The following CUEDC1 variants were observed in gnomAD, a reference collection of about 807,000 sequenced individuals.
The protein encoded by CUEDC1 is CUE domain containing 1, also known as CUE domain-containing protein 1.
In CUEDC1, 30 loss-of-function variants were observed where a neutral mutation model predicts 43.7. The observed-to-expected ratio is 0.69, with a 90% confidence interval of 0.51 to 0.93. The LOEUF (loss-of-function observed/expected upper bound fraction) is 0.93. Among genes scored for constraint, CUEDC1 ranks in the 40% least tolerant of loss-of-function variants. The pLI, the probability that CUEDC1 is intolerant of heterozygous loss-of-function variation, is 0.00. For missense variants in CUEDC1, 486 were observed against 549.0 expected, an observed-to-expected ratio of 0.89 and a Z score of 1.15; for synonymous variants, 223 against 223.6, an observed-to-expected ratio of 1.00 and a Z score of 0.02.
At chr17:57,924,187 C>A (rs984332109) in intron 1 of CUEDC1, among the ~76,000 whole-genome samples, 1 of 152,128 alleles carries the variant, frequency 6.6e-6, no homozygotes, top group Non-Finnish European at 1.5e-5. Context: ...CTCACTGCAA[C>A]CTCCGCCTCC....
At chr17:57,942,964 C>T (rs1049156286) in intron 1 of CUEDC1, among the ~76,000 whole-genome samples, 1 of 152,022 alleles carries the variant, frequency 6.6e-6, no homozygotes, top group Non-Finnish European at 1.5e-5. Flanking sequence ...GGAGGCGGAG[C>T]TTGCAGTGAG....
At chr17:57,863,874 G>A (rs1473841942) in intron 10 of CUEDC1, among the ~76,000 whole-genome samples, 1 of 151,918 alleles carries the variant, frequency 6.6e-6, no homozygotes, top group Non-Finnish European at 1.5e-5. Flanking sequence ...GGTGGCACGT[G>A]CCTGTAATCC....
In CUEDC1 at chr17:57,926,512, C is replaced by T. The variant is rs545330828; in HGVS notation, c.-316+28713G>A. Among the ~76,000 whole-genome samples, 25 of 152,096 alleles carry T rather than the reference C, an allele frequency of 1.6e-4. No homozygotes were observed. In the South Asian group the frequency reaches 5.0e-3, roughly 30 times the overall value. On this transcript the variant is annotated intron_variant, in intron 1 of 10. Coordinates refer to ENST00000577830, the MANE Select transcript of CUEDC1 (RefSeq NM_001271875.2). Reference sequence around the variant, plus strand: ...CTTCTAAAAACAACCAAATTCTGGCCGGGTGCAGTGGCTCACACCTGTGTA... The same window carrying T: ...CTTCTAAAAACAACCAAATTCTGGCTGGGTGCAGTGGCTCACACCTGTGTA...
chr17:57,866,934 G>A, intron 9 of CUEDC1: 1 of 352,502 alleles, frequency 2.8e-6, no homozygotes, highest in Non-Finnish European at 5.3e-6. Flanking sequence ...AGGAGGGTCT[G>A]AGGCAGAGTC....
chr17:57,876,287 A>G (rs1473082254), intron 3 of CUEDC1, among the ~76,000 whole-genome samples: 1 of 152,134 alleles, frequency 6.6e-6, no homozygotes, highest in Non-Finnish European at 1.5e-5. Context: ...AGGTACTTCC[A>G]GGAGGTCTCC....
At chr17:57,928,084 C>T (rs1326754547) in intron 1 of CUEDC1, among the ~76,000 whole-genome samples, 1 of 152,228 alleles carries the variant, frequency 6.6e-6, no homozygotes, top group Non-Finnish European at 1.5e-5. Context: ...AGCTTACAGC[C>T]TGGCACAAGG....
At chr17:57,924,446 T>G (rs2074727151) in intron 1 of CUEDC1, among the ~76,000 whole-genome samples, 1 of 148,864 alleles carries the variant, frequency 6.7e-6, no homozygotes, top group Admixed American at 6.7e-5. Context: ...TCTTAATCTC[T>G]GCGACTCATT....
intron 1 of CUEDC1, among the ~76,000 whole-genome samples, chr17:57,953,789 A>C (rs1341263916): frequency 6.6e-6 from 1 of 152,118 alleles, no homozygotes; most frequent in Non-Finnish European, 1.5e-5. Context: ...TCTTCTATTC[A>C]AGGATGTGCC....
At chr17:57,950,784 T>C (rs2074999500) in intron 1 of CUEDC1, among the ~76,000 whole-genome samples, 1 of 152,216 alleles carries the variant, frequency 6.6e-6, no homozygotes, top group Non-Finnish European at 1.5e-5. Context: ...GCTTGCACTC[T>C]TGACTGCCTA....
At chr17:57,883,616 G>A (rs567250970) in intron 2 of CUEDC1, among the ~76,000 whole-genome samples, 8 of 152,188 alleles carry the variant, frequency 5.3e-5, no homozygotes, top group South Asian at 2.1e-4. Context: ...CCAGCTACTC[G>A]AGAGGCTGAG....
chr17:57,905,158 C>T (rs948317870), intron 1 of CUEDC1, among the ~76,000 whole-genome samples: 7 of 151,886 alleles, frequency 4.6e-5, no homozygotes, highest in Non-Finnish European at 7.4e-5. Flanking sequence ...CTGCATGCCT[C>T]GAGGGTCCTG....
intron 1 of CUEDC1, among the ~76,000 whole-genome samples, chr17:57,942,673 G>T (rs2074927312): frequency 6.6e-6 from 1 of 151,836 alleles, no homozygotes; most frequent in African/African-American, 2.4e-5. Flanking sequence ...ACAGGCGTGA[G>T]CCACCACACC....
At chr17:57,894,048 G>A (rs1227067471) in intron 1 of CUEDC1, among the ~76,000 whole-genome samples, 2 of 152,030 alleles carry the variant, frequency 1.3e-5, no homozygotes, top group South Asian at 2.1e-4. Flanking sequence ...AGCCAAGATC[G>A]TACCACTGCA....
chr17:57,947,226 A>T (rs1167952098), intron 1 of CUEDC1, among the ~76,000 whole-genome samples: 6 of 151,342 alleles, frequency 4.0e-5, no homozygotes. Context: ...ATGGGATTAG[A>T]GGAGGAAGCA....
intron 1 of CUEDC1, among the ~76,000 whole-genome samples, chr17:57,924,005 T>C (rs2074721583): frequency 6.6e-6 from 1 of 152,146 alleles, no homozygotes; most frequent in South Asian, 2.1e-4. Flanking sequence ...GATGAGGTCT[T>C]GTTATATTGC....
intron 2 of CUEDC1, among the ~76,000 whole-genome samples, chr17:57,884,192 C>CTTTTTTTTTTTTTT (rs780667346): frequency 4.9e-5 from 4 of 81,360 alleles, no homozygotes; most frequent in Admixed American, 1.6e-4. Context: ...TTTTTCTTTT[C>CTTTTTTTTTTTTTT]TTTTTTTTTT....
chr17:57,920,615 A>C (rs2074688684), intron 1 of CUEDC1, among the ~76,000 whole-genome samples: 1 of 140,906 alleles, frequency 7.1e-6, no homozygotes. Context: ...TTATTATCTG[A>C]ATTTTCTTTT....
At chr17:57,869,508 T>A (rs1321889805) in intron 6 of CUEDC1, among the ~76,000 whole-genome samples, 2 of 151,944 alleles carry the variant, frequency 1.3e-5, no homozygotes, top group Non-Finnish European at 2.9e-5. Context: ...AGCTTGGGAG[T>A]ATTTCCACCA....
rs1164266018 is a variant in CUEDC1, at chr17:57,903,491, A to T, written c.-315-17612T>A. ...GGAGCTAGGAGGGTGGGGCAGGCTC[A>T]GAATTGCACAACCAAAGCACAGGCT... On this transcript the variant is annotated intron_variant, in intron 1 of 10. Transcript: ENST00000577830. The T allele has an allele frequency of 2.6e-5, 4 of 152,464 alleles. No individual in the cohort carries two copies. The East Asian group carries it at 7.7e-4, about 29-fold the overall frequency. 9.4% of individuals were successfully genotyped at this position (152,464 alleles called of 1,614,324 possible).
Sources: allele counts gnomAD v4.1 joint callset (sites outside exome capture counted in the v4.1 genomes callset), GRCh38; gene constraint gnomAD v4.1.1; transcripts MANE v1.5; gene names NCBI Gene and HGNC (gene_info 2026-07-23, HGNC 2026-07-21).